PCSK5: variants seen among roughly 807,000 people sequenced by gnomAD.
The protein encoded by PCSK5 is proprotein convertase subtilisin/kexin type 5.
In PCSK5, 129 loss-of-function variants were observed where a neutral mutation model predicts 233.2. The ratio of observed to expected loss-of-function variants is 0.55; its 90% CI spans 0.48 to 0.64. PCSK5 has a LOEUF of 0.64. Among genes scored for constraint, PCSK5 ranks in the 30% least tolerant of loss-of-function variants. PCSK5 has a pLI of 0.00. For missense variants in PCSK5, 2,076 were observed against 2,430.1 expected (o/e 0.85, Z 3.06); for synonymous variants, 825 against 879.2 (o/e 0.94, Z 1.09).
chr9:75,906,407 A>G (rs1363022649), intron 1 of PCSK5, among the ~76,000 whole-genome samples: 1 of 152,054 alleles, frequency 6.6e-6, no homozygotes, highest in Admixed American at 6.5e-5. Context: ...TTGTATTTTT[A>G]GTAGAGATGG....
At chr9:76,282,350 G>T (rs201133786) in intron 24 of PCSK5, among the ~76,000 whole-genome samples, 257 of 82,876 alleles carry the variant, frequency 3.1e-3, no homozygotes, top group African/African-American at 8.0e-3. Flanking sequence ...CTTTTCTTCT[G>T]TCTTTTTTTT....
At chr9:76,295,233 A>G (rs1158932471) in intron 25 of PCSK5, 42 bp from the exon 26 acceptor site, 3 of 1,559,520 alleles carry the variant, frequency 1.9e-6, no homozygotes, top group Non-Finnish European at 2.6e-6. Flanking sequence ...AGAGAAATAC[A>G]TCAACATAAG....
At chr9:76,257,912 T>C (rs1202167841) in intron 24 of PCSK5, among the ~76,000 whole-genome samples, 1 of 152,242 alleles carries the variant, frequency 6.6e-6, no homozygotes, top group East Asian at 1.9e-4. Context: ...TTTTCCTATA[T>C]GTATATGTTT....
At chr9:76,118,471 A>G (rs914275725) in intron 9 of PCSK5, among the ~76,000 whole-genome samples, 1 of 152,048 alleles carries the variant, frequency 6.6e-6, no homozygotes, top group Non-Finnish European at 1.5e-5. Context: ...CCAGTCTTTG[A>G]AATCCAAAAG....
rs115493922 is a variant in PCSK5, at chr9:76,256,273, G to A, written c.3142+15589G>A. Among the ~76,000 whole-genome samples the A allele has an allele frequency of 2.6e-3, 399 of 152,312 alleles. 3 individuals carry two copies. Among genetic ancestry groups the A allele is most frequent in the African/African-American group, 9.0e-3 (375 of 41,570 alleles). On this transcript the variant is annotated intron_variant, in intron 24 of 37. Coordinates refer to ENST00000674117, the MANE Select transcript of PCSK5 (RefSeq NM_001372043.1). ...TTCATGCTATTACGCTATTTCCCCC[G>A]GAGCCGGGTATAATCGAAGTTCCTC...
At chr9:76,133,840 C>A (rs1404351905) in intron 9 of PCSK5, among the ~76,000 whole-genome samples, 1 of 151,944 alleles carries the variant, frequency 6.6e-6, no homozygotes, top group Non-Finnish European at 1.5e-5. Context: ...GAAACGCTCA[C>A]CCTTTTAAAA....
At chr9:76,150,994 G>GT (rs1215438477) in intron 10 of PCSK5, among the ~76,000 whole-genome samples, 1 of 145,508 alleles carries the variant, frequency 6.9e-6, no homozygotes, top group African/African-American at 2.6e-5. Context: ...ATATTTAGCT[G>GT]TTTCTTTTTA....
At chr9:76,224,772 T>C (rs935277983) in intron 20 of PCSK5, among the ~76,000 whole-genome samples, 3 of 152,194 alleles carry the variant, frequency 2.0e-5, no homozygotes, top group African/African-American at 7.2e-5. Context: ...GCCAGAGTAT[T>C]AAAGCCACCT....
chr9:76,273,052 C>T (rs1264170743), intron 24 of PCSK5, among the ~76,000 whole-genome samples: 4 of 152,072 alleles, frequency 2.6e-5, no homozygotes, highest in Non-Finnish European at 5.9e-5. Flanking sequence ...ACAGTTCCCT[C>T]AAGGGGAACT....
At chr9:76,312,640 G>T (rs998275288) in intron 30 of PCSK5, among the ~76,000 whole-genome samples, 11 of 151,932 alleles carry the variant, frequency 7.2e-5, no homozygotes, top group Admixed American at 7.2e-4. Flanking sequence ...TAAATATAAG[G>T]TATTTACCCT....
chr9:76,216,149 C>A (rs1029797181), intron 20 of PCSK5, among the ~76,000 whole-genome samples: 2 of 152,078 alleles, frequency 1.3e-5, no homozygotes, highest in African/African-American at 4.8e-5. Context: ...CAGGACTTCT[C>A]TGTAGGACTA....
At chr9:76,114,448 T>C (rs1832347676) in intron 9 of PCSK5, among the ~76,000 whole-genome samples, 3 of 152,140 alleles carry the variant, frequency 2.0e-5, no homozygotes, top group Admixed American at 2.0e-4. Flanking sequence ...TTTCCTGGAC[T>C]CAACTTTGTA....
chr9:75,994,453 C>A (rs1826922228), intron 3 of PCSK5, among the ~76,000 whole-genome samples: 1 of 107,680 alleles, frequency 9.3e-6, no homozygotes, highest in Non-Finnish European at 1.7e-5. Context: ...GAGATGGAGT[C>A]TCACTCTGTC....
At chr9:76,185,388 A>G (rs1423463645) in intron 17 of PCSK5, among the ~76,000 whole-genome samples, 1 of 152,214 alleles carries the variant, frequency 6.6e-6, no homozygotes, top group Non-Finnish European at 1.5e-5. Context: ...TTCTGCATTT[A>G]GTGAAGAGTT....
intron 24 of PCSK5, among the ~76,000 whole-genome samples, chr9:76,257,915 A>G (rs1827036639): frequency 6.6e-6 from 1 of 152,186 alleles, no homozygotes; most frequent in African/African-American, 2.4e-5. Flanking sequence ...TCCTATATGT[A>G]TATGTTTTCC....
intron 2 of PCSK5, among the ~76,000 whole-genome samples, chr9:75,937,273 G>A (rs1824099184): frequency 6.6e-6 from 1 of 151,710 alleles, no homozygotes; most frequent in Non-Finnish European, 1.5e-5. Context: ...CCGCTTCCCG[G>A]GTTCAAGTGA....
intron 2 of PCSK5, among the ~76,000 whole-genome samples, chr9:75,977,216 T>A (rs1324473657): frequency 6.6e-6 from 1 of 152,146 alleles, no homozygotes; most frequent in Non-Finnish European, 1.5e-5. Context: ...TACAATGAAA[T>A]TTTTTGTTAA....
chr9:75,995,740 TTC>T (rs1826988213), intron 3 of PCSK5, among the ~76,000 whole-genome samples: 1 of 72,162 alleles, frequency 1.4e-5, no homozygotes, highest in Non-Finnish European at 2.8e-5. Flanking sequence ...ACAGGATTCA[TTC>T]ATACACACAC....
intron 24 of PCSK5, among the ~76,000 whole-genome samples, chr9:76,289,817 G>A (rs1828223808): frequency 6.6e-6 from 1 of 152,050 alleles, no homozygotes; most frequent in East Asian, 1.9e-4. Context: ...AGCTGTATAA[G>A]GCACAGTTCC....
Sources: gnomAD v4.1 joint callset for allele counts (sites outside exome capture counted in the v4.1 genomes callset) on GRCh38, gnomAD v4.1.1 for gene constraint, MANE v1.5 for transcripts, NCBI Gene and HGNC (gene_info 2026-07-23, HGNC 2026-07-21) for gene names.